The following SORCS2 variants were observed in gnomAD, a reference collection of about 807,000 sequenced individuals.
SORCS2 encodes sortilin related VPS10 domain containing receptor 2, also known as VPS10 domain-containing receptor SorCS2.
Under a neutral mutation model 141.6 loss-of-function variants are expected in SORCS2, and 100 were observed. The ratio of observed to expected loss-of-function variants is 0.71; its 90% CI spans 0.60 to 0.83. The LOEUF (loss-of-function observed/expected upper bound fraction) is 0.83. SORCS2 is among the 40% of genes least tolerant of loss of function. The pLI, the probability that SORCS2 is intolerant of heterozygous loss-of-function variation, is 0.00. For missense variants in SORCS2, 1,646 were observed against 1,560.2 expected (o/e 1.05, Z -0.93); for synonymous variants, 789 against 676.9 (o/e 1.17, Z -2.57).
chr4:7,260,967 A>T (rs1216442401), intron 1 of SORCS2, among the ~76,000 whole-genome samples: 3 of 152,174 alleles, frequency 2.0e-5, no homozygotes, highest in African/African-American at 7.2e-5. Context: ...AACTTAGTTG[A>T]TCACGGATCC....
intron 1 of SORCS2, among the ~76,000 whole-genome samples, chr4:7,317,526 C>A (rs1295033152): frequency 6.6e-6 from 1 of 152,224 alleles, no homozygotes; most frequent in East Asian, 1.9e-4. Context: ...CCCAGGTGGC[C>A]ACTTCTTCCT....
At chr4:7,560,940 CA>C (rs1714492474) in intron 3 of SORCS2, among the ~76,000 whole-genome samples, 2 of 152,262 alleles carry the variant, frequency 1.3e-5, no homozygotes, top group South Asian at 4.2e-4. Context: ...TGGGATGGAA[CA>C]CTCTTGTCCA....
intron 12 of SORCS2, among the ~76,000 whole-genome samples, chr4:7,701,890 G>A (rs746212352): frequency 8.5e-5 from 13 of 152,174 alleles, no homozygotes; most frequent in African/African-American, 1.7e-4. Context: ...GGAGCCTGGG[G>A]TACCCCCAGC....
chr4:7,299,053 G>T lies in SORCS2; in HGVS notation c.481-97235G>T, dbSNP rs545226104. On this transcript the variant is annotated intron_variant, in intron 1 of 26. Coordinates refer to ENST00000507866, the MANE Select transcript of SORCS2 (RefSeq NM_020777.3). Reference sequence around the variant, plus strand: ...TTCTGGCCCCGCCACCCCCTCTTGGGTCCCCCAGCTCCCCCAGCTGGGCAC... The same window carrying T: ...TTCTGGCCCCGCCACCCCCTCTTGGTTCCCCCAGCTCCCCCAGCTGGGCAC... Among the ~76,000 whole-genome samples the T allele has an allele frequency of 1.6e-3, 242 of 152,382 alleles. 1 individual carries two copies. Among genetic ancestry groups the T allele is most frequent in the African/African-American group, 5.6e-3 (234 of 41,592 alleles).
chr4:7,603,824 A>G (rs2108797982), intron 3 of SORCS2, among the ~76,000 whole-genome samples: 1 of 152,258 alleles, frequency 6.6e-6, no homozygotes, highest in Non-Finnish European at 1.5e-5. Flanking sequence ...TCCTGGGAGC[A>G]TTGCTAACAT....
At chr4:7,406,435 G>C (rs1430700052) in intron 2 of SORCS2, among the ~76,000 whole-genome samples, 1 of 148,982 alleles carries the variant, frequency 6.7e-6, no homozygotes, top group Non-Finnish European at 1.5e-5. Flanking sequence ...ACTTATTGAG[G>C]TTTTCTGTTT....
intron 2 of SORCS2, among the ~76,000 whole-genome samples, chr4:7,512,434 G>A (rs1328252969): frequency 6.6e-6 from 1 of 151,302 alleles, no homozygotes; most frequent in Non-Finnish European, 1.5e-5. Context: ...GAGGGGGAAG[G>A]GAGGGAGGAC....
intron 1 of SORCS2, among the ~76,000 whole-genome samples, chr4:7,345,287 A>G (rs976160722): frequency 1.3e-5 from 2 of 152,210 alleles, no homozygotes; most frequent in African/African-American, 4.8e-5. Context: ...CTGTACTCCT[A>G]AGACCAATAT....
intron 2 of SORCS2, among the ~76,000 whole-genome samples, chr4:7,466,858 C>T (rs964130220): frequency 6.6e-6 from 1 of 152,158 alleles, no homozygotes; most frequent in Non-Finnish European, 1.5e-5. Context: ...TGGACGCTGT[C>T]ACTTGACCTC....
chr4:7,360,045 C>A (rs1036321871), intron 1 of SORCS2, among the ~76,000 whole-genome samples: 4 of 152,220 alleles, frequency 2.6e-5, no homozygotes, highest in African/African-American at 7.2e-5. Flanking sequence ...CAATTACATG[C>A]ATTATTTTAA....
At position 7,396,386 on chromosome 4, in the gene SORCS2, T is replaced by C. The variant is rs1724217315; in HGVS notation, c.548+31T>C. Reference sequence around the variant, plus strand: ...TCAGCCCGATGGCAGGCCTTTCTCTTATGCACCTGCGTGCCATCTTCCCAG... The same window carrying C: ...TCAGCCCGATGGCAGGCCTTTCTCTCATGCACCTGCGTGCCATCTTCCCAG... On this transcript the variant is annotated intron_variant, in intron 2 of 26. Transcript: ENST00000507866. 3 of 1,610,208 alleles carry C rather than the reference T, an allele frequency of 1.9e-6. No homozygotes were observed. In the East Asian group the frequency reaches 6.7e-5, roughly 36 times the overall value.
At chr4:7,250,847 A>C (rs1167410506) in intron 1 of SORCS2, among the ~76,000 whole-genome samples, 1 of 152,286 alleles carries the variant, frequency 6.6e-6, no homozygotes, top group Non-Finnish European at 1.5e-5. Context: ...GCTTTCGCTG[A>C]AGGCGAGAAG....
intron 14 of SORCS2, among the ~76,000 whole-genome samples, chr4:7,709,352 G>A (rs968976565): frequency 5.3e-5 from 8 of 152,170 alleles, no homozygotes; most frequent in Admixed American, 4.6e-4. Flanking sequence ...CCTTCGCCCC[G>A]GCTGTCATGA....
intron 4 of SORCS2, among the ~76,000 whole-genome samples, chr4:7,649,715 C>A (rs140399463): frequency 2.6e-5 from 4 of 152,104 alleles, no homozygotes; most frequent in African/African-American, 9.7e-5. Context: ...GAGGAGGGGG[C>A]ACACCTGCCT....
At chr4:7,723,406 T>G (rs1726732857) in intron 18 of SORCS2, among the ~76,000 whole-genome samples, 1 of 152,104 alleles carries the variant, frequency 6.6e-6, no homozygotes. Flanking sequence ...TGCTCTCTGA[T>G]GACACCCTTG....
intron 3 of SORCS2, among the ~76,000 whole-genome samples, chr4:7,638,047 C>G (rs151245390): frequency 2.1e-4 from 32 of 152,280 alleles, no homozygotes; most frequent in African/African-American, 7.5e-4. Context: ...TTCTGGACAT[C>G]TCCTCACTGG....
intron 10 of SORCS2, among the ~76,000 whole-genome samples, chr4:7,684,682 C>T (rs569848599): frequency 2.0e-5 from 3 of 152,336 alleles, no homozygotes; most frequent in South Asian, 2.1e-4. Flanking sequence ...AGCAAATCTG[C>T]GTGAGCACTT....
In SORCS2 at chr4:7,286,223, G is replaced by C. The variant is rs569316436; in HGVS notation, c.480+93097G>C. Among the ~76,000 whole-genome samples the C allele has an allele frequency of 6.6e-6, 1 of 152,184 alleles. No individual in the cohort carries two copies. On this transcript the variant is annotated intron_variant, in intron 1 of 26. Transcript: ENST00000507866. The surrounding 1 kb of genome is among the most constrained non-coding windows in gnomAD (Gnocchi z 4.1). The stretch of plus-strand genomic sequence containing the variant: ...CACGACTCGGACCCTGAGTCTCCTC[G>C]CGTGGGAAGTGGGCACAGCCTCATG...
At position 7,286,186 on chromosome 4, in the gene SORCS2, C is replaced by T. The variant is rs372832359; in HGVS notation, c.480+93060C>T. 6.6e-6 allele frequency among the ~76,000 whole-genome samples: 1 copy of T among 152,322 alleles called. No homozygotes were observed. Among genetic ancestry groups the T allele is most frequent in the African/African-American group, 2.4e-5 (1 of 41,584 alleles). ...TCCAGCTGGGTCTCCAGGCCTGTGC[C>T]GGTCCTCACTGCACGACTCGGACCC... On this transcript the variant is annotated intron_variant, in intron 1 of 26. Transcript: ENST00000507866. This position sits in a 1 kb window ranked among gnomAD's most constrained non-coding sequence, Gnocchi z 4.1.
Sources: allele counts gnomAD v4.1 joint callset (sites outside exome capture counted in the v4.1 genomes callset), GRCh38; gene constraint gnomAD v4.1.1; non-coding constraint Gnocchi (gnomAD v3.1); transcripts MANE v1.5; gene names NCBI Gene and HGNC (gene_info 2026-07-23, HGNC 2026-07-21).